The following MYO3B variants were observed in gnomAD, a reference collection of about 807,000 sequenced individuals.
MYO3B encodes the protein myosin IIIB.
MYO3B carries 156 observed loss-of-function variants against 174.6 expected under a neutral mutation model. The observed-to-expected ratio is 0.89, with a 90% CI of 0.78 to 1.02. The LOEUF is 1.02. MYO3B is among the 50% of genes least tolerant of loss of function. The pLI is 0.00. For synonymous variants in MYO3B, 563 were observed against 569.1 expected, an observed-to-expected ratio of 0.99 and a Z score of 0.15; for missense variants, 1,632 against 1,639.4, an observed-to-expected ratio of 1.00 and a Z score of 0.08.
In MYO3B at chr2:170,424,387, G is replaced by A. The variant is rs140116296; in HGVS notation, c.2650+16543G>A. Among the ~76,000 whole-genome samples the A allele has an allele frequency of 8.3e-3, 1,269 of 152,298 alleles. 12 individuals are homozygous for A. Among genetic ancestry groups the A allele is most frequent in the Non-Finnish European group, 0.014 (922 of 68,026 alleles). On this transcript the variant is annotated intron_variant, in intron 22 of 34. Coordinates refer to ENST00000408978, the MANE Select transcript of MYO3B (RefSeq NM_138995.5). ...TAATCCCAGCACTTTGGGAGGCCGAGGTGCATGGATCACAAGGTCAAGAGT... is the reference window on the plus strand; with the variant it reads ...TAATCCCAGCACTTTGGGAGGCCGAAGTGCATGGATCACAAGGTCAAGAGT...
intron 25 of MYO3B, among the ~76,000 whole-genome samples, chr2:170,470,920 T>A (rs1684941016): frequency 6.6e-6 from 1 of 152,178 alleles, no homozygotes; most frequent in South Asian, 2.1e-4. Flanking sequence ...ATATTGTTGA[T>A]GTTTATGTAT....
At chr2:170,237,880 A>T (rs2093089134) in intron 7 of MYO3B, among the ~76,000 whole-genome samples, 2 of 152,208 alleles carry the variant, frequency 1.3e-5, no homozygotes, top group Admixed American at 6.5e-5. Flanking sequence ...GAACTAGGCA[A>T]TGTCAGCAAT....
chr2:170,282,764 G>A (rs2093522211), intron 7 of MYO3B, among the ~76,000 whole-genome samples: 1 of 152,126 alleles, frequency 6.6e-6, no homozygotes, highest in African/African-American at 2.4e-5. Flanking sequence ...AGTGGGTGCA[G>A]TAGCAGTGCA....
intron 32 of MYO3B, among the ~76,000 whole-genome samples, chr2:170,584,181 A>T (rs1240255072): frequency 3.3e-5 from 5 of 152,234 alleles, no homozygotes; most frequent in Admixed American, 2.0e-4. Context: ...TTCATCCAGG[A>T]TTGTGGTCCC....
chr2:170,410,882 A>G (rs544962163), intron 22 of MYO3B, among the ~76,000 whole-genome samples: 29 of 152,036 alleles, frequency 1.9e-4, no homozygotes, highest in Non-Finnish European at 3.8e-4. Context: ...GACCCCTTAA[A>G]ATACAAAGAG....
intron 29 of MYO3B, among the ~76,000 whole-genome samples, chr2:170,517,154 A>C (rs1205428120): frequency 6.6e-6 from 1 of 152,252 alleles, no homozygotes; most frequent in Non-Finnish European, 1.5e-5. Context: ...GTTCTTCAGC[A>C]AAGCTGGGGG....
chr2:170,610,948 A>G (rs57799332), intron 32 of MYO3B, among the ~76,000 whole-genome samples: 5,604 of 152,308 alleles, frequency 0.037, 334 homozygotes, highest in African/African-American at 0.13. Context: ...CCAAAGCTAT[A>G]CTATCATGGA....
chr2:170,517,105 C>T (rs1470545438), intron 29 of MYO3B, among the ~76,000 whole-genome samples: 1 of 152,200 alleles, frequency 6.6e-6, no homozygotes, highest in Non-Finnish European at 1.5e-5. Flanking sequence ...GTTTGATAAT[C>T]TTATTTATCT....
At chr2:170,197,075 T>C (rs561148482) in intron 1 of MYO3B, among the ~76,000 whole-genome samples, 39 of 151,846 alleles carry the variant, frequency 2.6e-4, no homozygotes, top group South Asian at 1.0e-3. Flanking sequence ...GGCCAACTTC[T>C]CCTGTGGCCC....
At chr2:170,583,565 G>A (rs1332347462) in intron 32 of MYO3B, among the ~76,000 whole-genome samples, 1 of 152,224 alleles carries the variant, frequency 6.6e-6, no homozygotes, top group Middle Eastern at 3.4e-3. Context: ...TTTCTCTGTG[G>A]AAAAATTAAG....
intron 6 of MYO3B, among the ~76,000 whole-genome samples, chr2:170,223,026 G>A (rs1211549710): frequency 2.6e-5 from 4 of 152,080 alleles, no homozygotes; most frequent in Admixed American, 2.0e-4. Flanking sequence ...TGAGGCAAAC[G>A]TGGTTCTTTC....
chr2:170,594,745 C>G (rs147676034), intron 32 of MYO3B, among the ~76,000 whole-genome samples: 1 of 152,018 alleles, frequency 6.6e-6, no homozygotes, highest in Admixed American at 6.6e-5. Flanking sequence ...CAGTCACCAC[C>G]TCCTCCTTGC....
intron 8 of MYO3B, among the ~76,000 whole-genome samples, chr2:170,338,723 C>A (rs1428624673): frequency 6.6e-6 from 1 of 152,128 alleles, no homozygotes; most frequent in Non-Finnish European, 1.5e-5. Flanking sequence ...GTGCCTCAGC[C>A]TCCCAAGTAG....
intron 23 of MYO3B, among the ~76,000 whole-genome samples, chr2:170,451,752 G>A (rs1191167453): frequency 1.3e-5 from 2 of 152,106 alleles, no homozygotes; most frequent in Admixed American, 1.3e-4. Context: ...GTCAATAGTT[G>A]GATTACTGGC....
chr2:170,376,017 G>A (rs900208833), intron 9 of MYO3B, among the ~76,000 whole-genome samples: 9 of 152,112 alleles, frequency 5.9e-5, no homozygotes, highest in African/African-American at 2.2e-4. Flanking sequence ...GAGAAGTTGG[G>A]TATATCAAAT....
intron 7 of MYO3B, among the ~76,000 whole-genome samples, chr2:170,256,299 A>G (rs2093303975): frequency 6.6e-6 from 1 of 152,218 alleles, no homozygotes; most frequent in Non-Finnish European, 1.5e-5. Context: ...CCTGTGAGAT[A>G]CTATATAAGA....
Position 170,335,379 on chromosome 2 carries a change from T to C in MYO3B, c.750-6T>C, listed in dbSNP as rs777590202. 2 of 1,603,472 alleles carry C rather than the reference T, an allele frequency of 1.2e-6. No individual in the cohort carries two copies. Among genetic ancestry groups the C allele is most frequent in the African/African-American group, 1.3e-5 (1 of 74,658 alleles). ...TCTTAAGAAAAAATTGCTGTTATTT[T>C]TTCAGAAATCCTCCACCTACTTTAC... On this transcript the variant is annotated splice_region_variant and splice_polypyrimidine_tract_variant and intron_variant, in intron 7 of 34. Coordinates refer to ENST00000408978, the MANE Select transcript of MYO3B (RefSeq NM_138995.5).
At chr2:170,469,032 AG>A (rs1684811128) in intron 25 of MYO3B, among the ~76,000 whole-genome samples, 1 of 152,056 alleles carries the variant, frequency 6.6e-6, no homozygotes, top group East Asian at 1.9e-4. Flanking sequence ...GCTACTTGGG[AG>A]GCTGAGCCAG....
intron 30 of MYO3B, among the ~76,000 whole-genome samples, chr2:170,541,324 G>A (rs967947770): frequency 2.0e-5 from 3 of 152,192 alleles, no homozygotes; most frequent in African/African-American, 7.2e-5. Flanking sequence ...GCCTAGGCCA[G>A]ACAGGAGTGA....
Sources: gnomAD v4.1 joint callset for allele counts (sites outside exome capture counted in the v4.1 genomes callset) on GRCh38, gnomAD v4.1.1 for gene constraint, MANE v1.5 for transcripts, NCBI Gene and HGNC (gene_info 2026-07-23, HGNC 2026-07-21) for gene names.